The following NFIB variants were observed in gnomAD, a reference collection of about 807,000 sequenced individuals.
The protein encoded by NFIB is nuclear factor 1 B-type.
A neutral mutation model predicts 61.5 loss-of-function variants in NFIB; 11 were observed. The observed-to-expected ratio is 0.18, with a 90% CI of 0.11 to 0.30. The LOEUF (loss-of-function observed/expected upper bound fraction) is 0.30. Ranked by LOEUF, NFIB falls within the 10% of genes least tolerant of loss-of-function variation. The probability of loss-of-function intolerance (pLI) is 1.00; values close to 1 mark genes in which losing one functional copy is unlikely to be tolerated. For synonymous variants in NFIB, 260 were observed against 216.5 expected (o/e 1.20, Z -1.76); for missense variants, 471 against 608.9 (o/e 0.77, Z 2.38).
At chr9:14,304,368 G>A (rs1371103645) in intron 2 of NFIB, among the ~76,000 whole-genome samples, 2 of 152,228 alleles carry the variant, frequency 1.3e-5, no homozygotes, top group Non-Finnish European at 2.9e-5. Flanking sequence ...GTGTGATCTT[G>A]TATAAATAAC....
chr9:14,211,571 G>T (rs1241773679), intron 2 of NFIB, among the ~76,000 whole-genome samples: 2 of 152,298 alleles, frequency 1.3e-5, no homozygotes, highest in East Asian at 3.9e-4. Context: ...CACGGAACTG[G>T]ACAAACTGCA....
intron 2 of NFIB, among the ~76,000 whole-genome samples, chr9:14,306,567 C>T (rs1563995034): frequency 6.6e-6 from 1 of 151,832 alleles, no homozygotes; most frequent in Non-Finnish European, 1.5e-5. Context: ...AAGGTTAATA[C>T]AAAAATTATC....
At chr9:14,356,673 C>T (rs1031047520) in intron 1 of NFIB, among the ~76,000 whole-genome samples, 1 of 152,060 alleles carries the variant, frequency 6.6e-6, no homozygotes, top group African/African-American at 2.4e-5. Context: ...ATTAAGGGGT[C>T]CTCAGCTGGG....
At chr9:14,185,682 CAAGA>C (rs1386563189) in intron 2 of NFIB, among the ~76,000 whole-genome samples, 2 of 152,004 alleles carry the variant, frequency 1.3e-5, no homozygotes, top group Non-Finnish European at 1.5e-5. Flanking sequence ...TAAAAGTGCA[CAAGA>C]AAGAAAGACA....
the NFIB span, among the ~76,000 whole-genome samples, chr9:14,507,058 T>C: frequency 6.6e-6 from 1 of 152,244 alleles, no homozygotes; most frequent in Non-Finnish European, 1.5e-5. Flanking sequence ...TTTTAAAACT[T>C]ATTAAAATCA....
At chr9:14,376,602 C>T (rs915751817) in intron 1 of NFIB, among the ~76,000 whole-genome samples, 5 of 151,584 alleles carry the variant, frequency 3.3e-5, no homozygotes, top group South Asian at 2.1e-4. Context: ...TTGCAACCTC[C>T]GCCTCCCAGG....
chr9:14,507,970 A>G, the NFIB span, among the ~76,000 whole-genome samples: 1 of 131,182 alleles, frequency 7.6e-6, no homozygotes, highest in Non-Finnish European at 1.6e-5. Flanking sequence ...AGACACACAC[A>G]AACACACACA....
chr9:14,232,806 T>TA (rs1272256613), intron 2 of NFIB, among the ~76,000 whole-genome samples: 1 of 152,256 alleles, frequency 6.6e-6, no homozygotes, highest in Non-Finnish European at 1.5e-5. Flanking sequence ...TAACTTATTT[T>TA]ATTTAAATGT....
chr9:14,478,623 A>G, the NFIB span, among the ~76,000 whole-genome samples: 125 of 152,346 alleles, frequency 8.2e-4, no homozygotes, highest in East Asian at 0.014. Context: ...TCTCATCAGC[A>G]TATCATGAAT....
Position 14,150,211 on chromosome 9 carries a change from T to C in NFIB, c.740A>G (p.Gln247Arg). 4 of 1,613,578 alleles carry C rather than the reference T, an allele frequency of 2.5e-6. No homozygotes were observed. Among genetic ancestry groups the C allele is most frequent in the Non-Finnish European group, 3.4e-6 (4 of 1,179,606 alleles). ...CGAGTTCATGTCATGATAGTATGGT[T>C]GGCTTGGGATTTCTCCAATTGGGAA... ...VNFPIGEIPSQPYYHDMNSGV... is the reference protein window; with the variant it reads ...VNFPIGEIPSRPYYHDMNSGV... Residue 247 changes from glutamine (Q) to arginine (R), a missense_variant, in exon 5 of 11, where the codon CAA (glutamine) becomes CGA (arginine). Physicochemically the swap from Gln to Arg is conservative, Grantham distance 43. Around this residue, in one of 2 missense-constraint regions of NFIB, gnomAD observed 372 missense variants for 395.6 expected, o/e 0.94. Transcript: ENST00000380953.
rs150781460 is a variant in NFIB, at chr9:14,271,691, A to G, written c.562+35298T>C. On this transcript the variant is annotated intron_variant, in intron 2 of 10. Transcript: ENST00000380953. ...GGCCAGATAACCACACTGCTGTTAC[A>G]TGGAGCAAAATGAGATAAAGTCAGG... is the stretch of plus-strand genomic sequence containing the variant. Among the ~76,000 whole-genome samples the G allele has an allele frequency of 4.5e-3, 692 of 152,332 alleles. 3 individuals carry two copies. The highest frequency in any genetic ancestry group is 8.3e-3 in the Non-Finnish European group (567 of 68,020).
chr9:14,394,057 C>T (rs2061654803), intron 1 of NFIB, among the ~76,000 whole-genome samples: 1 of 152,164 alleles, frequency 6.6e-6, no homozygotes, highest in Admixed American at 6.5e-5. Context: ...TTAACTTATC[C>T]ATCCTACTTC....
intron 2 of NFIB, among the ~76,000 whole-genome samples, chr9:14,284,234 G>C (rs2058568076): frequency 6.6e-6 from 1 of 152,104 alleles, no homozygotes; most frequent in African/African-American, 2.4e-5. Context: ...GGGACATTTT[G>C]TTGTTTTTAC....
chr9:14,491,349 C>T, the NFIB span, among the ~76,000 whole-genome samples: 33,007 of 151,974 alleles, frequency 0.22, 5,198 homozygotes, highest in African/African-American at 0.44. Flanking sequence ...CAAGGGAACA[C>T]ATAAACTGAG....
At position 14,258,866 on chromosome 9, in the gene NFIB, G is replaced by T. The variant is rs74988890; in HGVS notation, c.562+48123C>A. Among the ~76,000 whole-genome samples, 19 of 152,268 alleles carry T rather than the reference G, an allele frequency of 1.2e-4. No homozygotes were observed. In the East Asian group the frequency reaches 3.7e-3, roughly 29 times the overall value. ...CAACACACTTGCTCAACTTGAAACT[G>T]AGCCCCAGGACTAACAAACACACAG... On this transcript the variant is annotated intron_variant, in intron 2 of 10. Transcript: ENST00000380953.
At chr9:14,344,411 A>G (rs1245874796) in intron 1 of NFIB, among the ~76,000 whole-genome samples, 3 of 145,830 alleles carry the variant, frequency 2.1e-5, no homozygotes, top group African/African-American at 5.0e-5. Flanking sequence ...TTGTCTCAGA[A>G]GGGGGGGGTA....
At chr9:14,377,923 T>A (rs1218964381) in intron 1 of NFIB, among the ~76,000 whole-genome samples, 1 of 152,188 alleles carries the variant, frequency 6.6e-6, no homozygotes, top group Non-Finnish European at 1.5e-5. Context: ...TTTTTAATAG[T>A]CCCCACTTTC....
At chr9:14,100,458 C>T (rs1395242571) in intron 10 of NFIB, among the ~76,000 whole-genome samples, 1 of 152,186 alleles carries the variant, frequency 6.6e-6, no homozygotes, top group Non-Finnish European at 1.5e-5. Flanking sequence ...CCTGTAATCC[C>T]AGCACTTTGG....
At chr9:14,484,168 G>T in the NFIB span, among the ~76,000 whole-genome samples, 1 of 152,192 alleles carries the variant, frequency 6.6e-6, no homozygotes, top group South Asian at 2.1e-4. Context: ...CTTAAAAAAT[G>T]TAACTTACTC....
Sources: allele counts gnomAD v4.1 joint callset (sites outside exome capture counted in the v4.1 genomes callset), GRCh38; gene constraint gnomAD v4.1.1; regional missense constraint gnomAD v4.1.1; transcripts MANE v1.5; gene names NCBI Gene and HGNC (gene_info 2026-07-23, HGNC 2026-07-21).